KCNMA1: variants seen among roughly 807,000 people sequenced by gnomAD.
The protein encoded by KCNMA1 is potassium calcium-activated channel subfamily M alpha 1.
Under a neutral mutation model 140.0 loss-of-function variants are expected in KCNMA1, and 29 were observed. The observed-to-expected ratio is 0.21, with a 90% CI of 0.15 to 0.28. The LOEUF is 0.28. Among genes scored for constraint, KCNMA1 ranks in the 10% least tolerant of loss-of-function variants. The pLI is 1.00. For missense variants in KCNMA1, 880 were observed against 1,602.2 expected (o/e 0.55, Z 7.70); for synonymous variants, 612 against 611.9 (o/e 1.00, Z 0.00).
chr10:77,277,201 A>G (rs1236845401), intron 2 of KCNMA1, among the ~76,000 whole-genome samples: 1 of 152,166 alleles, frequency 6.6e-6, no homozygotes, highest in Non-Finnish European at 1.5e-5. Flanking sequence ...GGAGCCACTA[A>G]CAGGGCTCAC....
chr10:77,060,409 T>G (rs751521109), intron 14 of KCNMA1, among the ~76,000 whole-genome samples: 1 of 152,200 alleles, frequency 6.6e-6, no homozygotes, highest in Non-Finnish European at 1.5e-5. Context: ...TCCTTCCATA[T>G]TCTCCCTTTT....
chr10:77,023,023 T>C, intron 16 of KCNMA1: 1 of 443,490 alleles, frequency 2.3e-6, no homozygotes, highest in Non-Finnish European at 4.5e-6. Flanking sequence ...CACATCTACG[T>C]GCAATTGGCT....
chr10:77,230,322 G>A lies in KCNMA1; in HGVS notation c.602+20873C>T, dbSNP rs1406628608. 2.0e-5 allele frequency among the ~76,000 whole-genome samples: 3 copies of A among 152,144 alleles called. No individual in the cohort carries two copies. In the East Asian group the frequency reaches 5.8e-4, roughly 29 times the overall value. On this transcript the variant is annotated intron_variant, in intron 3 of 27. Transcript: ENST00000286628. ...TGGGGAGTGACTCTGATGAGTATGG[G>A]GTTTCCTTTTGGGTTTACAGAAATG...
chr10:77,530,070 G>A (rs970169184), intron 1 of KCNMA1, among the ~76,000 whole-genome samples: 6 of 152,172 alleles, frequency 3.9e-5, no homozygotes, highest in African/African-American at 7.2e-5. Flanking sequence ...TTTTAAATTC[G>A]TTTCCTCTTC....
intron 3 of KCNMA1, among the ~76,000 whole-genome samples, chr10:77,247,589 T>C (rs2058822676): frequency 6.6e-6 from 1 of 152,166 alleles, no homozygotes; most frequent in Non-Finnish European, 1.5e-5. Context: ...ACATCAGAAT[T>C]AGGAACTAAA....
intron 1 of KCNMA1, among the ~76,000 whole-genome samples, chr10:77,622,625 A>T (rs144735800): frequency 1.3e-5 from 2 of 152,362 alleles, no homozygotes; most frequent in East Asian, 3.8e-4. Flanking sequence ...AAAGAAAAAC[A>T]TTCTCATTCT....
intron 3 of KCNMA1, among the ~76,000 whole-genome samples, chr10:77,218,719 C>G (rs2048595845): frequency 6.6e-6 from 1 of 151,948 alleles, no homozygotes; most frequent in African/African-American, 2.4e-5. Context: ...CAGAGTCTCA[C>G]TCCATCGACC....
At chr10:77,502,328 A>G (rs1230926557) in intron 1 of KCNMA1, among the ~76,000 whole-genome samples, 1 of 152,122 alleles carries the variant, frequency 6.6e-6, no homozygotes, top group Non-Finnish European at 1.5e-5. Flanking sequence ...TATGCTTAGG[A>G]AGACGAGGAG....
chr10:77,058,082 T>A lies in KCNMA1; in HGVS notation c.1749+15015A>T, dbSNP rs1374136772. On this transcript the variant is annotated intron_variant, in intron 14 of 27. Transcript: ENST00000286628. The stretch of plus-strand genomic sequence containing the variant: ...AAAAGAGGAGAAAAGATATACTTTT[T>A]TCCATGAAAACACCAATCAAAAAAG... Among the ~76,000 whole-genome samples, 3 of 152,096 alleles carry A rather than the reference T, an allele frequency of 2.0e-5. No individual in the cohort carries two copies. In the East Asian group the frequency reaches 5.8e-4, roughly 29 times the overall value.
At chr10:77,027,195 T>G (rs982143529) in intron 16 of KCNMA1, among the ~76,000 whole-genome samples, 3 of 152,210 alleles carry the variant, frequency 2.0e-5, no homozygotes, top group African/African-American at 7.2e-5. Context: ...ACATATTGAC[T>G]GGGATGTTAT....
At chr10:77,618,871 A>G (rs1345062556) in intron 1 of KCNMA1, among the ~76,000 whole-genome samples, 1 of 152,344 alleles carries the variant, frequency 6.6e-6, no homozygotes, top group East Asian at 1.9e-4. Context: ...ATCCCTGGAT[A>G]AACAGGAGTC....
At chr10:77,115,006 A>G (rs1476928564) in intron 6 of KCNMA1, among the ~76,000 whole-genome samples, 40 of 152,224 alleles carry the variant, frequency 2.6e-4, no homozygotes, top group Admixed American at 2.6e-3. Flanking sequence ...GCTTGTTTAC[A>G]GTTCTTTCCC....
chr10:77,064,259 A>C (rs1389966246), intron 14 of KCNMA1: 1 of 243,924 alleles, frequency 4.1e-6, no homozygotes, highest in Non-Finnish European at 6.6e-6. Context: ...TGCAAAGTAA[A>C]GAATAATGAG....
At chr10:77,271,506 G>T (rs1228548180) in intron 2 of KCNMA1, among the ~76,000 whole-genome samples, 1 of 152,142 alleles carries the variant, frequency 6.6e-6, no homozygotes, top group Non-Finnish European at 1.5e-5. Context: ...AACTCTCAAG[G>T]CTCAGTTCCT....
At chr10:77,508,138 AC>A in intron 1 of KCNMA1, among the ~76,000 whole-genome samples, 1 of 152,196 alleles carries the variant, frequency 6.6e-6, no homozygotes, top group Non-Finnish European at 1.5e-5. Context: ...TCAAATATGA[AC>A]AGCAATCATC....
At chr10:76,978,757 T>C (rs1174888852) in intron 19 of KCNMA1, among the ~76,000 whole-genome samples, 1 of 152,180 alleles carries the variant, frequency 6.6e-6, no homozygotes, top group Non-Finnish European at 1.5e-5. Flanking sequence ...TACCAAACAC[T>C]GCTCCTGGCA....
intron 5 of KCNMA1, among the ~76,000 whole-genome samples, chr10:77,145,705 C>T (rs1418494510): frequency 6.6e-6 from 1 of 152,154 alleles, no homozygotes; most frequent in Non-Finnish European, 1.5e-5. Context: ...CGAAATTGAC[C>T]TCTTCAGTGA....
At chr10:77,382,351 G>A (rs975429630) in intron 2 of KCNMA1, among the ~76,000 whole-genome samples, 3 of 152,092 alleles carry the variant, frequency 2.0e-5, no homozygotes, top group Non-Finnish European at 2.9e-5. Context: ...TATGAAACAG[G>A]TGTTATCATT....
At chr10:77,365,274 A>G (rs1172432153) in intron 2 of KCNMA1, among the ~76,000 whole-genome samples, 1 of 152,176 alleles carries the variant, frequency 6.6e-6, no homozygotes, top group Non-Finnish European at 1.5e-5. Flanking sequence ...CTTCAAAAGT[A>G]CCACAACCCA....
Sources: allele counts gnomAD v4.1 joint callset (sites outside exome capture counted in the v4.1 genomes callset), GRCh38; gene constraint gnomAD v4.1.1; transcripts MANE v1.5; gene names NCBI Gene and HGNC (gene_info 2026-07-23, HGNC 2026-07-21).